Variants in COL17A1 observed in about 807,000 individuals in gnomAD.
COL17A1 encodes the protein collagen alpha-1(XVII) chain.
A neutral mutation model predicts 218.4 loss-of-function variants in COL17A1; 181 were observed. That is an observed-to-expected ratio of 0.83 (90% CI 0.73 to 0.94). The LOEUF (loss-of-function observed/expected upper bound fraction) is 0.94. Among genes scored for constraint, COL17A1 ranks in the 40% least tolerant of loss-of-function variants. The pLI is 0.00. For synonymous variants in COL17A1, 721 were observed against 731.0 expected (o/e 0.99, Z 0.22); for missense variants, 1,924 against 1,945.9 (o/e 0.99, Z 0.21).
In COL17A1 at chr10:104,035,854, A is replaced by ATGGGAGTGTGTGTG. The variant is rs1405864795; in HGVS notation, c.3419-292_3419-291insCACACACACTCCCA. ...TATGGGAGTGTATCGGAGTGTGCGT[A>ATGGGAGTGTGTGTG]TGGGAGTGTATGGGAGTGTGCGTGA... is the stretch of plus-strand genomic sequence containing the variant. On this transcript the variant is annotated intron_variant, in intron 48 of 55. Transcript: ENST00000648076. 5.0e-4 allele frequency among the ~76,000 whole-genome samples: 66 copies of ATGGGAGTGTGTGTG among 132,014 alleles called. 1 individual carries two copies. Among genetic ancestry groups the ATGGGAGTGTGTGTG allele is most frequent in the East Asian group, 4.7e-3 (19 of 4,044 alleles). The allele number at this position is 132,014 out of a possible 152,430, so 86.6% of individuals were successfully genotyped here.
rs977744097 is a variant in COL17A1, at chr10:104,032,069, C to T, written c.*166G>A. The stretch of plus-strand genomic sequence containing the variant: ...CAGATTGTGTATCTTTGACTGAATT[C>T]TATAAGTATATATTGTTCAGACTAA... On this transcript the variant is annotated 3_prime_UTR_variant, in exon 56 of 56. Transcript: ENST00000648076. 1.5e-6 allele frequency: 1 copy of T among 650,640 alleles called. No homozygotes were observed. Among genetic ancestry groups the T allele is most frequent in the Non-Finnish European group, 2.8e-6 (1 of 359,996 alleles). The allele number at this position is 650,640 out of a possible 1,614,324, so 40.3% of individuals were successfully genotyped here.
chr10:104,041,412 G>A, intron 37 of COL17A1, 68 bp from the exon 38 acceptor site: 17 of 1,600,184 alleles, frequency 1.1e-5, no homozygotes, highest in Non-Finnish European at 1.2e-5. Context: ...GAGGATCTTG[G>A]CTTCCTCACT....
rs1292479072 is a variant in COL17A1, at chr10:104,034,319, C to A, written c.3782G>T (p.Ser1261Ile). 6.4e-7 allele frequency: 1 copy of A among 1,562,154 alleles called. No homozygotes were observed. Among genetic ancestry groups the A allele is most frequent in the Admixed American group, 1.9e-5 (1 of 53,708 alleles). ...ISYLTSPDVR[S>I]FIVGPPGPPG... ...AGGGCCTGGGGGGCCAACAATGAAG[C>A]TGCGCACATCAGGACCTGCAGGGTG... Residue 1261 changes from serine (S) to isoleucine (I), a missense_variant, in exon 52 of 56, where the codon AGC becomes ATC. Physicochemically the swap from Ser to Ile is moderately radical, Grantham distance 142 (BLOSUM62 -2). Transcript: ENST00000648076.
At chr10:104,055,634 C>T in intron 18 of COL17A1, 148 bp downstream of exon 18, 1 of 1,251,934 alleles carries the variant, frequency 8.0e-7, no homozygotes, top group Non-Finnish European at 1.1e-6. Context: ...GTCCCACCTA[C>T]CTCTCAGCGC....
At position 104,077,546 on chromosome 10, in the gene COL17A1, G is replaced by T. The variant is rs757159238; in HGVS notation, c.98-20C>A. The T allele has an allele frequency of 6.9e-6, 11 of 1,596,310 alleles. No individual in the cohort carries two copies. Among genetic ancestry groups the T allele is most frequent in the Non-Finnish European group, 9.4e-6 (11 of 1,169,632 alleles). On this transcript the variant is annotated intron_variant, in intron 3 of 55. Coordinates refer to ENST00000648076, the MANE Select transcript of COL17A1 (RefSeq NM_000494.4). The stretch of plus-strand genomic sequence containing the variant: ...CGCCTTCTGCCAGGAACAAAAGCAG[G>T]TGATAATTTCAGGGTGGAGTCAGGC...
chr10:104,055,091 C>G (rs1229673411), intron 19 of COL17A1, 84 bp from the exon 20 acceptor site: 2 of 1,598,996 alleles, frequency 1.3e-6, no homozygotes, highest in Non-Finnish European at 1.7e-6. Flanking sequence ...AACCATTTGA[C>G]AAGATGTAAA....
chr10:104,052,509 A>ACTGTGAAGTAACAGAAGTCT (rs2086479480), intron 23 of COL17A1, among the ~76,000 whole-genome samples: 1 of 152,202 alleles, frequency 6.6e-6, no homozygotes, highest in Non-Finnish European at 1.5e-5. Context: ...ACAGTCTGTT[A>ACTGTGAAGTAACAGAAGTCT]GCATTAAGAG....
chr10:104,059,306 C>A, intron 15 of COL17A1: 1 of 359,484 alleles, frequency 2.8e-6, no homozygotes, highest in Non-Finnish European at 5.2e-6. Context: ...AAAAATAAAG[C>A]TAACAACTGC....
At position 104,033,316 on chromosome 10, in the gene COL17A1, G is replaced by A; in HGVS notation, c.4216C>T (p.Pro1406Ser). The change falls in exon 53 of 56, where the codon CCA becomes TCA. Residue 1406 changes from proline (P) to serine (S), a missense_variant. Pro to Ser is a moderately conservative substitution (Grantham distance 74). Coordinates refer to ENST00000648076, the MANE Select transcript of COL17A1 (RefSeq NM_000494.4). ...TVQGPPGQPG[P>S]QGPPGISKVF... Reference sequence around the variant, plus strand: ...TTGCTGATGCCGGGTGGCCCCTGTGGCCCAGGCTGGCCTGGTGGGCCCTGG... The same window carrying A: ...TTGCTGATGCCGGGTGGCCCCTGTGACCCAGGCTGGCCTGGTGGGCCCTGG... The A allele has an allele frequency of 6.2e-7, 1 of 1,607,424 alleles. No homozygotes were observed. Among genetic ancestry groups the A allele is most frequent in the African/African-American group, 1.3e-5 (1 of 75,004 alleles).
chr10:104,036,046 AG>A (rs886290140), intron 48 of COL17A1, among the ~76,000 whole-genome samples: 1 of 33,172 alleles, frequency 3.0e-5, no homozygotes, highest in Non-Finnish European at 6.2e-5. Context: ...GTGTGTGTAT[AG>A]GAGTGTGTGT....
chr10:104,036,159 T>TATGG (rs1221171052), intron 48 of COL17A1, among the ~76,000 whole-genome samples: 1 of 67,654 alleles, frequency 1.5e-5, no homozygotes, highest in African/African-American at 4.6e-5. Context: ...TATGGGAGTG[T>TATGG]GAGTATGGGT....
intron 11 of COL17A1, 119 bp from the exon 12 acceptor site, chr10:104,062,448 A>G (rs1039243548): frequency 7.3e-7 from 1 of 1,376,946 alleles, no homozygotes; most frequent in African/African-American, 1.4e-5. Context: ...ACAGATTCCC[A>G]AACTTCCTCG....
chr10:104,072,637 C>G (rs1044174958), intron 7 of COL17A1, among the ~76,000 whole-genome samples: 1 of 152,290 alleles, frequency 6.6e-6, no homozygotes, highest in East Asian at 1.9e-4. Context: ...CATAGGAAGT[C>G]TAGGTGGGTC....
chr10:104,078,701 T>C, intron 2 of COL17A1, 115 bp from the exon 3 acceptor site: 3 of 1,412,732 alleles, frequency 2.1e-6, no homozygotes, highest in Non-Finnish European at 2.0e-6. Context: ...TCGACATTGA[T>C]TTTTCTATCC....
rs1453262782 is a variant in COL17A1, at chr10:104,052,162, A to T, written c.1995T>A (p.Gly665=). Residue 665 remains glycine, a synonymous_variant, in exon 24 of 56, where the codon GGT becomes GGA. Transcript: ENST00000648076. ...HGPPGVPGSV[G]PKGSSGSPGP... The stretch of plus-strand genomic sequence containing the variant: ...CCTGCACACTGGACTTACCTTTGGG[A>T]CCCACAGAACCTGGGACACCAGGTG... 1.9e-6 allele frequency: 3 copies of T among 1,614,068 alleles called. No homozygotes were observed. The highest frequency in any genetic ancestry group is 2.5e-6 in the Non-Finnish European group (3 of 1,179,974).
intron 3 of COL17A1, among the ~76,000 whole-genome samples, chr10:104,078,181 G>C (rs1735900077): frequency 6.6e-6 from 1 of 152,168 alleles, no homozygotes; most frequent in Non-Finnish European, 1.5e-5. Context: ...GGTTAGATCA[G>C]ATATCCAATA....
intron 24 of COL17A1, among the ~76,000 whole-genome samples, chr10:104,051,871 C>G (rs1456086838): frequency 6.6e-6 from 1 of 152,182 alleles, no homozygotes; most frequent in East Asian, 1.9e-4. Flanking sequence ...TTCTGATTTC[C>G]TGAATGATCC....
At chr10:104,074,985 C>T (rs2086697958) in intron 5 of COL17A1, among the ~76,000 whole-genome samples, 1 of 152,214 alleles carries the variant, frequency 6.6e-6, no homozygotes, top group Non-Finnish European at 1.5e-5. Flanking sequence ...TTCTACGACT[C>T]CTTCTTGACC....
chr10:104,032,134 A>G lies in COL17A1; in HGVS notation c.*101T>C. 1 of 878,676 alleles carries G rather than the reference A, an allele frequency of 1.1e-6. No homozygotes were observed. Among genetic ancestry groups the G allele is most frequent in the South Asian group, 1.4e-5 (1 of 73,988 alleles). The allele number at this position is 878,676 out of a possible 1,614,324, so 54.4% of individuals were successfully genotyped here. ...GCTAGGTTGGCTGTGCTGTCTCAGT[A>G]GGACATTGACAGACTCCAGCTTTCA... On this transcript the variant is annotated 3_prime_UTR_variant, in exon 56 of 56. Transcript: ENST00000648076.
Sources: gnomAD v4.1 joint callset for allele counts (sites outside exome capture counted in the v4.1 genomes callset) on GRCh38, gnomAD v4.1.1 for gene constraint, MANE v1.5 for transcripts, NCBI Gene and HGNC (gene_info 2026-07-23, HGNC 2026-07-21) for gene names.